The following COL25A1 variants were observed in gnomAD, a reference collection of about 807,000 sequenced individuals.
COL25A1 encodes collagen type XXV alpha 1 chain.
COL25A1 carries 103 observed loss-of-function variants against 128.4 expected under a neutral mutation model. The observed-to-expected ratio is 0.80, with a 90% CI of 0.68 to 0.94. COL25A1 has a LOEUF of 0.94. Ranked by LOEUF, COL25A1 falls within the 40% of genes least tolerant of loss-of-function variation. The pLI is 0.00. For synonymous variants in COL25A1, 279 were observed against 277.2 expected, an observed-to-expected ratio of 1.01 and a Z score of -0.06; for missense variants, 745 against 840.0, an observed-to-expected ratio of 0.89 and a Z score of 1.40.
rs377409335 is a variant in COL25A1, at chr4:109,191,306, A to G, written c.367+109277T>C. The stretch of plus-strand genomic sequence containing the variant: ...GAAATCAAGAAGGACAATGCACAAG[A>G]GAGGAGGGAATTTGTGCTATTTGAC... On this transcript the variant is annotated intron_variant, in intron 3 of 37. Transcript: ENST00000399132. Among the ~76,000 whole-genome samples the G allele has an allele frequency of 5.3e-5, 8 of 152,190 alleles. No homozygotes were observed. In the East Asian group the frequency reaches 5.8e-4, roughly 11 times the overall value.
At chr4:109,034,063 A>G (rs1457804877) in intron 5 of COL25A1, among the ~76,000 whole-genome samples, 1 of 152,208 alleles carries the variant, frequency 6.6e-6, no homozygotes, top group African/African-American at 2.4e-5. Flanking sequence ...TAGAAAATAG[A>G]TTCCCTTGAT....
intron 3 of COL25A1, among the ~76,000 whole-genome samples, chr4:109,192,376 T>C (rs1002350877): frequency 6.6e-6 from 1 of 152,136 alleles, no homozygotes; most frequent in African/African-American, 2.4e-5. Flanking sequence ...CTGACTACAG[T>C]TATCAGCGGG....
intron 5 of COL25A1, among the ~76,000 whole-genome samples, chr4:109,031,427 C>CT (rs201534898): frequency 2.0e-5 from 3 of 152,022 alleles, no homozygotes; most frequent in African/African-American, 7.2e-5. Flanking sequence ...TGTTACAATA[C>CT]TTTTTTTAAA....
chr4:108,852,953 A>G, intron 24 of COL25A1, 28 bp from the exon 25 acceptor site: 1 of 1,600,770 alleles, frequency 6.2e-7, no homozygotes. Context: ...TGACAAAGAC[A>G]GAGTTATCTA....
At chr4:109,259,777 A>G (rs149447748) in intron 3 of COL25A1, among the ~76,000 whole-genome samples, 169 of 152,340 alleles carry the variant, frequency 1.1e-3, no homozygotes, top group African/African-American at 3.7e-3. Flanking sequence ...GCAGGCAGAT[A>G]GCTACTATTT....
intron 3 of COL25A1, among the ~76,000 whole-genome samples, chr4:109,181,555 G>A (rs542754030): frequency 4.6e-5 from 7 of 151,876 alleles, no homozygotes; most frequent in East Asian, 3.9e-4. Flanking sequence ...ACAATATACC[G>A]TATTAGTTTT....
intron 3 of COL25A1, among the ~76,000 whole-genome samples, chr4:109,096,582 C>T (rs1765417617): frequency 7.3e-6 from 1 of 137,366 alleles, no homozygotes. Context: ...CACACAATGA[C>T]AAAATTGCCT....
chr4:108,944,121 C>T (rs1748453464), intron 8 of COL25A1, among the ~76,000 whole-genome samples: 1 of 152,168 alleles, frequency 6.6e-6, no homozygotes, highest in Admixed American at 6.5e-5. Flanking sequence ...GTCTTCGGTA[C>T]TACAACTTCT....
intron 24 of COL25A1, among the ~76,000 whole-genome samples, chr4:108,857,242 AG>A (rs1336879365): frequency 2.0e-5 from 3 of 152,156 alleles, no homozygotes; most frequent in Non-Finnish European, 2.9e-5. Flanking sequence ...GTTTTTAAAA[AG>A]TCCCTATATT....
intron 5 of COL25A1, among the ~76,000 whole-genome samples, chr4:109,015,785 C>T: frequency 6.6e-6 from 1 of 152,188 alleles, no homozygotes; most frequent in Admixed American, 6.5e-5. Context: ...GCAAGTAAGC[C>T]ACAATGGAAC....
chr4:108,937,133 G>A (rs1465699912), intron 11 of COL25A1, among the ~76,000 whole-genome samples: 3 of 152,074 alleles, frequency 2.0e-5, no homozygotes, highest in African/African-American at 7.2e-5. Context: ...CTTCCCAATA[G>A]TGTTCACATC....
At chr4:109,218,411 C>A (rs930997475) in intron 3 of COL25A1, among the ~76,000 whole-genome samples, 3 of 110,610 alleles carry the variant, frequency 2.7e-5, no homozygotes, top group Non-Finnish European at 3.4e-5. Context: ...CTCTCCATGG[C>A]AGCTTAAAAA....
At chr4:109,206,982 T>C (rs1777055573) in intron 3 of COL25A1, among the ~76,000 whole-genome samples, 1 of 152,204 alleles carries the variant, frequency 6.6e-6, no homozygotes, top group African/African-American at 2.4e-5. Flanking sequence ...CTGCTTTAGG[T>C]ATATAGCTTC....
At chr4:108,844,386 C>A (rs1734829386) in intron 30 of COL25A1, 133 bp downstream of exon 30, 1 of 1,459,344 alleles carries the variant, frequency 6.9e-7, no homozygotes, top group Non-Finnish European at 9.5e-7. Context: ...TCTCAAAGCA[C>A]CTGGTATTTT....
rs58157157 is a variant in COL25A1, at chr4:108,886,492, G to GTGTGTGTGTGTT, written c.976-2271_976-2270insAACACACACACA. Among the ~76,000 whole-genome samples, 102 of 109,266 alleles carry GTGTGTGTGTGTT rather than the reference G, an allele frequency of 9.3e-4. 2 individuals carry two copies. The highest frequency in any genetic ancestry group is 5.2e-3 in the East Asian group (21 of 4,050). The allele number at this position is 109,266 out of a possible 152,430, so 71.7% of individuals were successfully genotyped here. Reference sequence around the variant, plus strand: ...TGTGTGTGTGTGTGTGTGTGTGTGTGTTTAGCTCATCAGCTATTTTATGTG... The same window carrying GTGTGTGTGTGTT: ...TGTGTGTGTGTGTGTGTGTGTGTGTGTGTGTGTGTGTTTTTAGCTCATCAGCTATTTTATGTG... On this transcript the variant is annotated intron_variant, in intron 18 of 37. Coordinates refer to ENST00000399132, the MANE Select transcript of COL25A1 (RefSeq NM_198721.4).
At chr4:109,000,452 TTA>T (rs1302114247) in intron 6 of COL25A1, among the ~76,000 whole-genome samples, 1 of 151,954 alleles carries the variant, frequency 6.6e-6, no homozygotes, top group Non-Finnish European at 1.5e-5. Context: ...TTGTAAAGTG[TTA>T]TATAAAAAGT....
intron 3 of COL25A1, among the ~76,000 whole-genome samples, chr4:109,214,973 A>C (rs1777873095): frequency 6.6e-6 from 1 of 152,186 alleles, no homozygotes; most frequent in African/African-American, 2.4e-5. Flanking sequence ...GCCTAAACGT[A>C]CAATCTTCCT....
At chr4:109,205,187 AT>A (rs1220026564) in intron 3 of COL25A1, among the ~76,000 whole-genome samples, 1 of 152,230 alleles carries the variant, frequency 6.6e-6, no homozygotes, top group East Asian at 1.9e-4. Context: ...AGCATGCTGA[AT>A]AACATTGAGC....
intron 3 of COL25A1, among the ~76,000 whole-genome samples, chr4:109,129,482 A>G (rs1272769814): frequency 6.6e-6 from 1 of 152,124 alleles, no homozygotes; most frequent in African/African-American, 2.4e-5. Flanking sequence ...AATCCCAATC[A>G]TTGTGCTCAA....
Sources: gnomAD v4.1 joint callset for allele counts (sites outside exome capture counted in the v4.1 genomes callset) on GRCh38, gnomAD v4.1.1 for gene constraint, MANE v1.5 for transcripts, NCBI Gene and HGNC (gene_info 2026-07-23, HGNC 2026-07-21) for gene names.